The following CCDC138 variants were observed in gnomAD, a reference collection of about 807,000 sequenced individuals.
The protein encoded by CCDC138 is coiled-coil domain-containing protein 138.
A neutral mutation model predicts 82.3 loss-of-function variants in CCDC138; 66 were observed. The observed-to-expected ratio is 0.80, with a 90% confidence interval of 0.66 to 0.98. The LOEUF (loss-of-function observed/expected upper bound fraction) is 0.98, where lower values mean the gene tolerates loss of function less well. CCDC138 is among the 50% of genes least tolerant of loss of function. The pLI, the probability that CCDC138 is intolerant of heterozygous loss-of-function variation, is 0.00. For missense variants in CCDC138, 816 were observed against 758.9 expected (o/e 1.08, Z -0.88); for synonymous variants, 297 against 265.4 (o/e 1.12, Z -1.16).
intron 3 of CCDC138, among the ~76,000 whole-genome samples, chr2:108,790,655 C>T (rs1415994129): frequency 1.3e-5 from 2 of 152,156 alleles, no homozygotes; most frequent in African/African-American, 2.4e-5. Context: ...GAGCCGAGAT[C>T]GCGCCACTGC....
At chr2:108,827,913 C>T (rs983517373) in intron 10 of CCDC138, among the ~76,000 whole-genome samples, 1 of 151,818 alleles carries the variant, frequency 6.6e-6, no homozygotes, top group Non-Finnish European at 1.5e-5. Flanking sequence ...CATTCCCATT[C>T]CCATATGTAA....
chr2:108,830,033 T>C (rs1283737819), intron 10 of CCDC138, among the ~76,000 whole-genome samples: 1 of 152,120 alleles, frequency 6.6e-6, no homozygotes, highest in Non-Finnish European at 1.5e-5. Flanking sequence ...TGCTCATCCA[T>C]GGATGAGTGG....
At chr2:108,868,891 T>C (rs1694826311) in intron 13 of CCDC138, among the ~76,000 whole-genome samples, 1 of 152,140 alleles carries the variant, frequency 6.6e-6, no homozygotes, top group Non-Finnish European at 1.5e-5. Flanking sequence ...ATGAAGTGCC[T>C]ACCTTTTGTG....
intron 6 of CCDC138, among the ~76,000 whole-genome samples, chr2:108,800,172 G>T (rs1268437894): frequency 6.6e-6 from 1 of 152,052 alleles, no homozygotes; most frequent in East Asian, 1.9e-4. Context: ...AGACCTTCTG[G>T]TTAATGCATA....
intron 6 of CCDC138, among the ~76,000 whole-genome samples, chr2:108,802,123 G>T (rs1682017912): frequency 1.4e-5 from 2 of 144,978 alleles, no homozygotes; most frequent in African/African-American, 5.1e-5. Flanking sequence ...CTCTTTTTTG[G>T]TTCCATATGA....
intron 10 of CCDC138, among the ~76,000 whole-genome samples, chr2:108,822,650 A>G (rs1381829555): frequency 2.0e-5 from 3 of 152,228 alleles, no homozygotes; most frequent in South Asian, 4.1e-4. Flanking sequence ...AAGGATAACT[A>G]TAAAATCCAC....
intron 3 of CCDC138, among the ~76,000 whole-genome samples, chr2:108,791,127 CTAA>C (rs1230083586): frequency 2.0e-5 from 3 of 152,050 alleles, no homozygotes; most frequent in Non-Finnish European, 4.4e-5. Context: ...ATTATATTAA[CTAA>C]TATTTTTAAA....
rs1324675958 is a variant in CCDC138, at chr2:108,876,151, A to G, written c.1896A>G (p.Thr632=). 2 of 1,611,964 alleles carry G rather than the reference A, an allele frequency of 1.2e-6. No individual in the cohort carries two copies. The highest frequency in any genetic ancestry group is 1.7e-5 in the Admixed American group (1 of 59,968). The change falls in exon 15 of 15, where the codon ACA becomes ACG. Residue 632 remains threonine (T), a synonymous_variant. Transcript: ENST00000295124. ...TGATGCTTCAAGAAATACAAAGGACAACAAACCCAGAGCATGCATTTCTCT... is the reference window on the plus strand; with the variant it reads ...TGATGCTTCAAGAAATACAAAGGACGACAAACCCAGAGCATGCATTTCTCT... The part of the protein sequence containing the change: ...IHLMLQEIQR[T]TNPEHAFLCI...
At chr2:108,868,905 GA>G (rs1694830843) in intron 13 of CCDC138, among the ~76,000 whole-genome samples, 2 of 151,710 alleles carry the variant, frequency 1.3e-5, no homozygotes, top group Admixed American at 6.6e-5. Flanking sequence ...TTTTGTGAAA[GA>G]AAAAAATGAA....
rs1681292073 is a variant in CCDC138 at position 108,798,522 on chromosome 2, A to G, written c.671A>G (p.Asn224Ser). ...EREQLLFRHE[N>S]ALSKIKGVEE... The stretch of plus-strand genomic sequence containing the variant: ...GAACAACTGCTTTTCAGACATGAAA[A>G]TGCCTTGAGTAAAATTAAAGGTGTT... Residue 224 changes from asparagine to serine, a missense_variant, in exon 6 of 15, where the codon AAT (asparagine) becomes AGT (serine). Transcript: ENST00000295124. 1 of 1,614,010 alleles carries G rather than the reference A, an allele frequency of 6.2e-7. No homozygotes were observed. Among genetic ancestry groups the G allele is most frequent in the Admixed American group, 1.7e-5 (1 of 59,984 alleles).
chr2:108,793,621 G>A lies in CCDC138; in HGVS notation c.395-919G>A, dbSNP rs189779656. On this transcript the variant is annotated intron_variant, in intron 4 of 14. Transcript: ENST00000295124. ...TTTGTTTTGTTTTTTTTTTGAGATGGAGTCTCGCTCTGTCGCCCAGGCTGG... is the reference window on the plus strand; with the variant it reads ...TTTGTTTTGTTTTTTTTTTGAGATGAAGTCTCGCTCTGTCGCCCAGGCTGG... 4.5e-3 allele frequency among the ~76,000 whole-genome samples: 685 copies of A among 150,746 alleles called. 4 individuals are homozygous for A. Among genetic ancestry groups the A allele is most frequent in the African/African-American group, 0.016 (654 of 41,098 alleles).
chr2:108,805,558 T>C, intron 7 of CCDC138, among the ~76,000 whole-genome samples: 1 of 83,440 alleles, frequency 1.2e-5, no homozygotes, highest in Non-Finnish European at 2.6e-5. Flanking sequence ...ACCCCGTCTC[T>C]ACCAAAAATA....
At chr2:108,812,071 G>A (rs925954990) in intron 7 of CCDC138, among the ~76,000 whole-genome samples, 2 of 152,022 alleles carry the variant, frequency 1.3e-5, no homozygotes, top group Non-Finnish European at 2.9e-5. Context: ...TAAATCTAAA[G>A]AGAGATGTGC....
Position 108,873,579 on chromosome 2 carries a change from T to C in CCDC138, c.1822T>C (p.Ser608Pro), listed in dbSNP as rs1695593333. ...EKLSIILQKL[S>P]KIKSNKKLFE... Reference sequence around the variant, plus strand: ...ACTCAGTATTATTTTACAGAAACTTTCCAAAATCAAGTAAGAATTTCTTAT... The same window carrying C: ...ACTCAGTATTATTTTACAGAAACTTCCCAAAATCAAGTAAGAATTTCTTAT... Residue 608 changes from serine to proline, a missense_variant, in exon 14 of 15, where the codon TCC becomes CCC. Coordinates refer to ENST00000295124, the MANE Select transcript of CCDC138 (RefSeq NM_144978.3). The C allele has an allele frequency of 5.0e-6, 8 of 1,593,578 alleles. No individual in the cohort carries two copies. The highest frequency in any genetic ancestry group is 1.1e-5 in the South Asian group (1 of 87,394).
downstream of CCDC138, among the ~76,000 whole-genome samples, chr2:108,881,133 T>C (rs753049555): frequency 1.6e-4 from 24 of 152,258 alleles, no homozygotes; most frequent in Non-Finnish European, 2.4e-4. Context: ...CTGTTTCATC[T>C]ACATTGAAAA....
intron 10 of CCDC138, among the ~76,000 whole-genome samples, chr2:108,819,331 C>G (rs180968503): frequency 2.0e-5 from 3 of 152,316 alleles, no homozygotes; most frequent in Admixed American, 1.3e-4. Flanking sequence ...TCCCTACCGT[C>G]TCCCTTGGGA....
downstream of CCDC138, chr2:108,878,557 A>G (rs549315193): frequency 4.8e-6 from 1 of 207,424 alleles, no homozygotes; most frequent in East Asian, 1.2e-4. Flanking sequence ...CCATCTGGAC[A>G]GTCAGATATG....
At position 108,786,807 on chromosome 2, in the gene CCDC138, A is replaced by T. The variant is rs756114390; in HGVS notation, c.-16A>T. On this transcript the variant is annotated 5_prime_UTR_variant, in exon 1 of 15. Transcript: ENST00000295124. ...GAACGCGGTTCCCGGGGAGACTGGTACGGTTGCTGTGTGCTATGGAGCCGA... is the reference window on the plus strand; with the variant it reads ...GAACGCGGTTCCCGGGGAGACTGGTTCGGTTGCTGTGTGCTATGGAGCCGA... 1.5e-5 allele frequency: 24 copies of T among 1,577,578 alleles called. No individual in the cohort carries two copies. The African/African-American group carries it at 3.0e-4, about 20-fold the overall frequency.
intron 13 of CCDC138, among the ~76,000 whole-genome samples, chr2:108,864,039 G>A (rs1694028366): frequency 6.6e-6 from 1 of 150,670 alleles, no homozygotes; most frequent in Admixed American, 6.6e-5. Flanking sequence ...TCTTTCTCAT[G>A]TGTAACACTA....
Sources: gnomAD v4.1 joint callset for allele counts (sites outside exome capture counted in the v4.1 genomes callset) on GRCh38, gnomAD v4.1.1 for gene constraint, MANE v1.5 for transcripts, NCBI Gene and HGNC (gene_info 2026-07-23, HGNC 2026-07-21) for gene names.